Variants in KHDRBS2 observed in about 807,000 individuals in gnomAD.
The protein encoded by KHDRBS2 is KH domain-containing, RNA-binding, signal transduction-associated protein 2.
A neutral mutation model predicts 44.3 loss-of-function variants in KHDRBS2; 26 were observed. That is an observed-to-expected ratio of 0.59 (90% CI 0.43 to 0.81). The LOEUF is 0.81. KHDRBS2 is among the 40% of genes least tolerant of loss of function. The probability of loss-of-function intolerance (pLI) is 0.00; values close to 1 mark genes in which losing one functional copy is unlikely to be tolerated. For synonymous variants in KHDRBS2, 194 were observed against 151.1 expected, an observed-to-expected ratio of 1.28 and a Z score of -2.08; for missense variants, 476 against 433.1, an observed-to-expected ratio of 1.10 and a Z score of -0.88.
At chr6:61,589,081 G>A in the KHDRBS2 span, among the ~76,000 whole-genome samples, 1 of 151,970 alleles carries the variant, frequency 6.6e-6, no homozygotes, top group African/African-American at 2.4e-5. Context: ...GTGGGGGTAG[G>A]GGGGCAAAGG....
At chr6:62,165,180 G>A (rs931856570) in intron 2 of KHDRBS2, among the ~76,000 whole-genome samples, 3 of 150,684 alleles carry the variant, frequency 2.0e-5, no homozygotes, top group Non-Finnish European at 3.0e-5. Context: ...ATCTTTTTTT[G>A]GAAACACTTT....
chr6:61,826,930 A>G (rs1790971630), intron 6 of KHDRBS2, among the ~76,000 whole-genome samples: 2 of 152,190 alleles, frequency 1.3e-5, no homozygotes, highest in Non-Finnish European at 2.9e-5. Flanking sequence ...AGAAGATGCC[A>G]AGGCCTGTGT....
chr6:62,133,511 T>G (rs1312267139), intron 2 of KHDRBS2, among the ~76,000 whole-genome samples: 1 of 152,206 alleles, frequency 6.6e-6, no homozygotes, highest in Non-Finnish European at 1.5e-5. Context: ...AGGTATGTAT[T>G]TATCAGCATC....
At chr6:61,721,244 A>G (rs1772466328) in intron 7 of KHDRBS2, among the ~76,000 whole-genome samples, 1 of 152,106 alleles carries the variant, frequency 6.6e-6, no homozygotes, top group South Asian at 2.1e-4. Flanking sequence ...TTGGCTCCGG[A>G]TTGACTGGGC....
chr6:61,555,329 T>C, the KHDRBS2 span, among the ~76,000 whole-genome samples: 1 of 152,224 alleles, frequency 6.6e-6, no homozygotes. Flanking sequence ...ATTCTGAAAT[T>C]CTTGAAGTAA....
intron 3 of KHDRBS2, among the ~76,000 whole-genome samples, chr6:62,041,982 A>G (rs1786638583): frequency 6.6e-6 from 1 of 152,132 alleles, no homozygotes; most frequent in African/African-American, 2.4e-5. Context: ...TCTCACAAAT[A>G]TGATGATATA....
At chr6:62,099,892 T>C (rs1378093940) in intron 2 of KHDRBS2, among the ~76,000 whole-genome samples, 1 of 152,190 alleles carries the variant, frequency 6.6e-6, no homozygotes, top group Non-Finnish European at 1.5e-5. Flanking sequence ...ATATACATTC[T>C]ACAGTTCATG....
At chr6:62,258,888 A>G (rs1837871284) in intron 1 of KHDRBS2, among the ~76,000 whole-genome samples, 1 of 152,046 alleles carries the variant, frequency 6.6e-6, no homozygotes, top group African/African-American at 2.4e-5. Context: ...CCTCTCAGGC[A>G]TGACAGCATT....
At chr6:61,926,279 C>T (rs1186225369) in intron 4 of KHDRBS2, among the ~76,000 whole-genome samples, 1 of 152,052 alleles carries the variant, frequency 6.6e-6, no homozygotes, top group East Asian at 1.9e-4. Context: ...GTGTATAGGA[C>T]TGGGTGAGCT....
downstream of KHDRBS2, among the ~76,000 whole-genome samples, chr6:61,678,495 G>A (rs1766070084): frequency 6.6e-6 from 1 of 151,878 alleles, no homozygotes; most frequent in Admixed American, 6.6e-5. Flanking sequence ...AGTTGGTCAG[G>A]GACTACCCTG....
At chr6:62,214,751 A>T (rs1829688558) in intron 1 of KHDRBS2, among the ~76,000 whole-genome samples, 6 of 151,966 alleles carry the variant, frequency 3.9e-5, no homozygotes, top group Admixed American at 3.9e-4. Flanking sequence ...TCACATACAG[A>T]TTTTACCCAG....
At chr6:61,748,499 T>C (rs1445437562) in intron 6 of KHDRBS2, among the ~76,000 whole-genome samples, 1 of 152,172 alleles carries the variant, frequency 6.6e-6, no homozygotes, top group African/African-American at 2.4e-5. Context: ...ATATTAAGTT[T>C]CACATAAGAT....
intron 2 of KHDRBS2, among the ~76,000 whole-genome samples, chr6:62,052,139 A>C (rs1789208311): frequency 6.6e-6 from 1 of 152,072 alleles, no homozygotes; most frequent in Admixed American, 6.6e-5. Context: ...TCCTGGGCAT[A>C]TACCCAAAGG....
At chr6:62,134,170 A>T (rs1810985831) in intron 2 of KHDRBS2, among the ~76,000 whole-genome samples, 1 of 152,034 alleles carries the variant, frequency 6.6e-6, no homozygotes, top group Non-Finnish European at 1.5e-5. Flanking sequence ...AGGAGGAAAA[A>T]ATGGTTTTGT....
At chr6:61,858,250 GA>G (rs35574903) in intron 6 of KHDRBS2, among the ~76,000 whole-genome samples, 12,524 of 141,420 alleles carry the variant, frequency 0.089, 1,506 homozygotes, top group African/African-American at 0.27. Flanking sequence ...TGCAATTTAA[GA>G]AAAAAAAAAA....
intron 3 of KHDRBS2, among the ~76,000 whole-genome samples, chr6:62,003,009 C>G (rs1421259570): frequency 1.3e-5 from 2 of 151,996 alleles, no homozygotes; most frequent in Non-Finnish European, 2.9e-5. Flanking sequence ...CATAGTTAAA[C>G]CTAATGTATA....
chr6:61,556,308 G>A, the KHDRBS2 span, among the ~76,000 whole-genome samples: 102 of 152,326 alleles, frequency 6.7e-4, no homozygotes, highest in Middle Eastern at 0.024. Flanking sequence ...CAGGGGTGGC[G>A]GCGGGGGTGC....
the KHDRBS2 span, among the ~76,000 whole-genome samples, chr6:61,603,942 T>C: frequency 6.6e-6 from 1 of 152,142 alleles, no homozygotes; most frequent in Non-Finnish European, 1.5e-5. Context: ...TGATGGCGGT[T>C]CCACCACGCC....
chr6:61,732,659 G>A (rs369084362), intron 7 of KHDRBS2, 23 bp downstream of exon 7: 33 of 1,410,226 alleles, frequency 2.3e-5, no homozygotes, highest in South Asian at 2.0e-4. Flanking sequence ...TGAGAAGGCT[G>A]CTTTAGATAG....
Sources: gnomAD v4.1 joint callset for allele counts (sites outside exome capture counted in the v4.1 genomes callset) on GRCh38, gnomAD v4.1.1 for gene constraint, MANE v1.5 for transcripts, NCBI Gene and HGNC (gene_info 2026-07-23, HGNC 2026-07-21) for gene names.